Variants in CEP128 observed in about 807,000 individuals in gnomAD.
CEP128 encodes centrosomal protein 128, also known as centrosomal protein 128kDa.
In CEP128, 132 loss-of-function variants were observed where a neutral mutation model predicts 156.7. That is an observed-to-expected ratio of 0.84 (90% CI 0.73 to 0.97). The LOEUF is 0.97. CEP128 is among the 50% of genes least tolerant of loss of function. The pLI, the probability that CEP128 is intolerant of heterozygous loss-of-function variation, is 0.00. For missense variants in CEP128, 1,252 were observed against 1,281.9 expected, an observed-to-expected ratio of 0.98 and a Z score of 0.36; for synonymous variants, 469 against 448.9, an observed-to-expected ratio of 1.04 and a Z score of -0.57.
At chr14:80,808,301 GCC>G (rs1884301905) in intron 13 of CEP128, among the ~76,000 whole-genome samples, 1 of 152,186 alleles carries the variant, frequency 6.6e-6, no homozygotes, top group African/African-American at 2.4e-5. Flanking sequence ...TAACCTCTGT[GCC>G]CAGGCTTGTG....
chr14:80,885,469 T>G (rs1888751320), intron 8 of CEP128, among the ~76,000 whole-genome samples: 2 of 152,144 alleles, frequency 1.3e-5, no homozygotes, highest in African/African-American at 4.8e-5. Flanking sequence ...CCTCTGCTGG[T>G]GATACCCAGG....
chr14:80,531,393 C>G (rs1281718162), intron 21 of CEP128, among the ~76,000 whole-genome samples: 1 of 152,120 alleles, frequency 6.6e-6, no homozygotes, highest in Non-Finnish European at 1.5e-5. Context: ...GGAGAAATAT[C>G]TGAAATTAAA....
chr14:80,706,657 T>C (rs766272755), intron 19 of CEP128, among the ~76,000 whole-genome samples: 11 of 152,146 alleles, frequency 7.2e-5, no homozygotes, highest in Non-Finnish European at 1.5e-4. Context: ...TTCACTCAGC[T>C]TCTATGATCT....
At position 80,729,058 on chromosome 14, in the gene CEP128, G is replaced by GGGT. The variant is rs1898141728; in HGVS notation, c.2806+14016_2806+14017insACC. ...CCTAGTCCCAGGCTGGGCTGGTGGG[G>GGGT]GTGTGTGTGTGTGTGTGTGTGTGTG... On this transcript the variant is annotated intron_variant, in intron 19 of 24. Coordinates refer to ENST00000555265, the MANE Select transcript of CEP128 (RefSeq NM_152446.5). Among the ~76,000 whole-genome samples the GGGT allele has an allele frequency of 7.0e-4, 74 of 105,054 alleles. 4 individuals are homozygous for GGGT. Among genetic ancestry groups the GGGT allele is most frequent in the African/African-American group, 3.3e-3 (65 of 19,976 alleles). The allele number at this position is 105,054 out of a possible 152,430, so 68.9% of individuals were successfully genotyped here.
chr14:80,562,345 T>TGAC (rs56301426), intron 20 of CEP128, among the ~76,000 whole-genome samples: 12 of 151,892 alleles, frequency 7.9e-5, no homozygotes, highest in African/African-American at 2.9e-4. Context: ...TTCATTAACC[T>TGAC]TTCAGTAATT....
intron 13 of CEP128, among the ~76,000 whole-genome samples, chr14:80,815,452 T>C (rs1884796027): frequency 1.3e-5 from 2 of 152,224 alleles, no homozygotes; most frequent in Non-Finnish European, 2.9e-5. Context: ...AAGGCAATGC[T>C]GGTACACTGT....
intron 19 of CEP128, among the ~76,000 whole-genome samples, chr14:80,661,278 A>T (rs72690933): frequency 0.13 from 19,917 of 152,222 alleles, 1,598 homozygotes; most frequent in Non-Finnish European, 0.2. Flanking sequence ...GCATTATTTG[A>T]ATGTTTAAAA....
intron 8 of CEP128, among the ~76,000 whole-genome samples, chr14:80,868,973 C>T (rs1167014833): frequency 6.6e-6 from 1 of 152,016 alleles, no homozygotes; most frequent in African/African-American, 2.4e-5. Flanking sequence ...CGCACCTAAT[C>T]AGAGCACCTA....
intron 18 of CEP128, among the ~76,000 whole-genome samples, chr14:80,746,693 A>G (rs527632454): frequency 2.0e-5 from 3 of 152,212 alleles, no homozygotes; most frequent in Non-Finnish European, 4.4e-5. Context: ...ATAGCTTCCT[A>G]GGTGTAACAC....
chr14:80,593,187 T>A (rs952944575), intron 19 of CEP128, among the ~76,000 whole-genome samples: 1 of 152,064 alleles, frequency 6.6e-6, no homozygotes, highest in African/African-American at 2.4e-5. Flanking sequence ...TAAATGGTAT[T>A]CAAACAGGAA....
intron 20 of CEP128, among the ~76,000 whole-genome samples, chr14:80,580,118 A>G (rs1302333164): frequency 6.6e-6 from 1 of 152,186 alleles, no homozygotes; most frequent in Admixed American, 6.5e-5. Context: ...TTCATTTCCT[A>G]ATGCTGCAGT....
intron 21 of CEP128, among the ~76,000 whole-genome samples, chr14:80,535,942 T>C (rs2140294394): frequency 6.6e-6 from 1 of 152,360 alleles, no homozygotes; most frequent in South Asian, 2.1e-4. Flanking sequence ...TTCAGAAATC[T>C]TGTCTAATAG....
At chr14:80,937,804 G>C (rs1885897341) in intron 2 of CEP128, among the ~76,000 whole-genome samples, 1 of 151,954 alleles carries the variant, frequency 6.6e-6, no homozygotes, top group Non-Finnish European at 1.5e-5. Flanking sequence ...TAATAACCTG[G>C]TAAATCTAGA....
At chr14:80,928,517 C>A in intron 2 of CEP128, among the ~76,000 whole-genome samples, 1 of 152,044 alleles carries the variant, frequency 6.6e-6, no homozygotes, top group East Asian at 1.9e-4. Flanking sequence ...AAAATCTTAA[C>A]AGTAGACTAG....
intron 8 of CEP128, among the ~76,000 whole-genome samples, chr14:80,863,552 C>T (rs953996046): frequency 6.6e-6 from 1 of 152,126 alleles, no homozygotes; most frequent in Non-Finnish European, 1.5e-5. Flanking sequence ...CTAAAAGTTG[C>T]ATAAATTCAA....
intron 8 of CEP128, among the ~76,000 whole-genome samples, chr14:80,870,141 T>C (rs1887955493): frequency 6.6e-6 from 1 of 151,972 alleles, no homozygotes. Flanking sequence ...CAGAACCTGA[T>C]TACTTCACAG....
chr14:80,530,739 C>T lies in CEP128; in HGVS notation c.2958+70G>A, dbSNP rs1889186427. On this transcript the variant is annotated intron_variant, in intron 22 of 24. Coordinates refer to ENST00000555265, the MANE Select transcript of CEP128 (RefSeq NM_152446.5). Reference sequence around the variant, plus strand: ...TCTTCCTTTTCTATACTTTTCTTTGCACATCAGGAAGATGTCAAGTGTTCT... The same window carrying T: ...TCTTCCTTTTCTATACTTTTCTTTGTACATCAGGAAGATGTCAAGTGTTCT... 4 of 1,078,592 alleles carry T rather than the reference C, an allele frequency of 3.7e-6. No homozygotes were observed. The South Asian group carries it at 6.7e-5, about 18-fold the overall frequency. 66.8% of individuals were successfully genotyped at this position (1,078,592 alleles called of 1,614,324 possible).
chr14:80,680,199 G>A (rs777381609), intron 19 of CEP128, among the ~76,000 whole-genome samples: 13 of 152,262 alleles, frequency 8.5e-5, no homozygotes, highest in South Asian at 4.1e-4. Context: ...CTACAGCTGT[G>A]GTTTCTCCTA....
intron 16 of CEP128, among the ~76,000 whole-genome samples, chr14:80,771,643 C>T (rs1900515795): frequency 6.6e-6 from 1 of 152,152 alleles, no homozygotes; most frequent in Non-Finnish European, 1.5e-5. Context: ...TTGCTATAGC[C>T]TTAGATGTCT....
Sources: allele counts gnomAD v4.1 joint callset (sites outside exome capture counted in the v4.1 genomes callset), GRCh38; gene constraint gnomAD v4.1.1; transcripts MANE v1.5; gene names NCBI Gene and HGNC (gene_info 2026-07-23, HGNC 2026-07-21).